CTNNA3: variants seen among roughly 807,000 people sequenced by gnomAD.
CTNNA3 encodes catenin alpha-3.
CTNNA3 carries 76 observed loss-of-function variants against 95.7 expected under a neutral mutation model. That is an observed-to-expected ratio of 0.79 (90% CI 0.66 to 0.96). The LOEUF (loss-of-function observed/expected upper bound fraction) is 0.96. CTNNA3 is among the 40% of genes least tolerant of loss of function. The pLI, the probability that CTNNA3 is intolerant of heterozygous loss-of-function variation, is 0.00. For synonymous variants in CTNNA3, 431 were observed against 374.4 expected (o/e 1.15, Z -1.74); for missense variants, 1,191 against 1,089.8 (o/e 1.09, Z -1.31).
At chr10:66,865,219 T>C (rs959834544) in intron 7 of CTNNA3, among the ~76,000 whole-genome samples, 12 of 151,272 alleles carry the variant, frequency 7.9e-5, no homozygotes, top group African/African-American at 2.7e-4. Context: ...TGTGCGTGTG[T>C]GTGTGTGTGT....
intron 9 of CTNNA3, among the ~76,000 whole-genome samples, chr10:66,720,698 A>C (rs1472897411): frequency 2.0e-5 from 3 of 151,996 alleles, no homozygotes; most frequent in Non-Finnish European, 4.4e-5. Context: ...GCTGGGCGTG[A>C]TGGTGGGCAC....
rs189687450 is a variant in CTNNA3, at chr10:67,479,124, C to G, written c.579+42718G>C. ...TATAGAACAAGTACTTCTAGACCTACCAAAAGACTTAGCCACATAATAATA... is the reference window on the plus strand; with the variant it reads ...TATAGAACAAGTACTTCTAGACCTAGCAAAAGACTTAGCCACATAATAATA... On this transcript the variant is annotated intron_variant, in intron 5 of 17. Coordinates refer to ENST00000433211, the MANE Select transcript of CTNNA3 (RefSeq NM_013266.4). Among the ~76,000 whole-genome samples the G allele has an allele frequency of 3.6e-3, 553 of 152,216 alleles. 8 individuals are homozygous for G. The highest frequency in any genetic ancestry group is 0.013 in the African/African-American group (530 of 41,536).
chr10:66,068,792 C>A (rs1169196856), intron 15 of CTNNA3, among the ~76,000 whole-genome samples: 1 of 152,104 alleles, frequency 6.6e-6, no homozygotes, highest in Non-Finnish European at 1.5e-5. Flanking sequence ...AAGACAATAA[C>A]AAACATTTTT....
At chr10:66,977,958 A>C (rs1850144078) in intron 7 of CTNNA3, among the ~76,000 whole-genome samples, 1 of 152,188 alleles carries the variant, frequency 6.6e-6, no homozygotes, top group Non-Finnish European at 1.5e-5. Context: ...AATGACACTT[A>C]GTCAAACTTT....
At chr10:66,630,882 GC>G (rs768970096) in intron 9 of CTNNA3, among the ~76,000 whole-genome samples, 93 of 152,260 alleles carry the variant, frequency 6.1e-4, no homozygotes, top group Non-Finnish European at 1.1e-3. Flanking sequence ...TATTGATTAT[GC>G]ACCTATTATG....
At chr10:67,513,290 C>T (rs1839699560) in intron 5 of CTNNA3, among the ~76,000 whole-genome samples, 1 of 152,160 alleles carries the variant, frequency 6.6e-6, no homozygotes, top group South Asian at 2.1e-4. Context: ...GCAGAACTCC[C>T]ACCTGGAGGA....
At chr10:66,465,891 A>G (rs1838892204) in intron 11 of CTNNA3, among the ~76,000 whole-genome samples, 1 of 152,130 alleles carries the variant, frequency 6.6e-6, no homozygotes, top group African/African-American at 2.4e-5. Context: ...TACATTATAG[A>G]TGTGAACAAA....
intron 13 of CTNNA3, among the ~76,000 whole-genome samples, chr10:66,231,553 T>G (rs1589800669): frequency 6.6e-6 from 1 of 152,162 alleles, no homozygotes; most frequent in African/African-American, 2.4e-5. Flanking sequence ...GCTCCTGATT[T>G]TGATGCTGTT....
At chr10:67,677,824 G>C (rs530164409) in intron 1 of CTNNA3, among the ~76,000 whole-genome samples, 9 of 152,262 alleles carry the variant, frequency 5.9e-5, no homozygotes, top group Non-Finnish European at 1.2e-4. Flanking sequence ...GGGTGCTCTG[G>C]AGATTAGGTT....
At chr10:66,460,156 T>C (rs751579892) in intron 11 of CTNNA3, among the ~76,000 whole-genome samples, 4 of 152,206 alleles carry the variant, frequency 2.6e-5, no homozygotes, top group Admixed American at 2.6e-4. Flanking sequence ...GTCAGTACTA[T>C]ACTGTTTTAA....
At chr10:67,022,357 G>A (rs898983518) in intron 7 of CTNNA3, among the ~76,000 whole-genome samples, 7 of 152,130 alleles carry the variant, frequency 4.6e-5, no homozygotes, top group African/African-American at 1.7e-4. Context: ...GTCTGTGTGT[G>A]TGTGTTCTAT....
In CTNNA3 at chr10:65,920,530, T is replaced by C. The variant is rs1471913196; in HGVS notation, c.2488A>G (p.Thr830Ala). The change falls in exon 18 of 18, where the codon ACC becomes GCC. Residue 830 changes from threonine (T) to alanine (A), a missense_variant. Coordinates refer to ENST00000433211, the MANE Select transcript of CTNNA3 (RefSeq NM_013266.4). ...QTVKMSYIAS[T>A]KIIRIQSPAG... ...GGACTCTGGATTCGGATGATCTTGGTTGAGGCAATGTAAGACATTTTCACT... is the reference window on the plus strand; with the variant it reads ...GGACTCTGGATTCGGATGATCTTGGCTGAGGCAATGTAAGACATTTTCACT... The C allele has an allele frequency of 6.2e-7, 1 of 1,614,084 alleles. No homozygotes were observed. The highest frequency in any genetic ancestry group is 1.3e-5 in the African/African-American group (1 of 74,932).
chr10:67,003,308 T>C (rs1851787678), intron 7 of CTNNA3, among the ~76,000 whole-genome samples: 1 of 152,186 alleles, frequency 6.6e-6, no homozygotes, highest in Admixed American at 6.5e-5. Context: ...TCTTCTGCTT[T>C]AACCCTAATA....
intron 6 of CTNNA3, among the ~76,000 whole-genome samples, chr10:67,181,324 T>C (rs968981800): frequency 6.6e-6 from 1 of 152,168 alleles, no homozygotes; most frequent in Non-Finnish European, 1.5e-5. Context: ...CTTCAGGTAA[T>C]AGAAGTCGAG....
At chr10:66,845,553 A>C (rs1174123537) in intron 7 of CTNNA3, among the ~76,000 whole-genome samples, 1 of 151,554 alleles carries the variant, frequency 6.6e-6, no homozygotes, top group South Asian at 2.1e-4. Flanking sequence ...AAAATACAAA[A>C]TTAGCCTGGC....
chr10:67,424,001 C>T (rs891455073), intron 5 of CTNNA3, among the ~76,000 whole-genome samples: 1 of 152,128 alleles, frequency 6.6e-6, no homozygotes, highest in Admixed American at 6.6e-5. Context: ...AGCATAAATG[C>T]TGTTCTAGTC....
intron 7 of CTNNA3, among the ~76,000 whole-genome samples, chr10:67,143,009 C>A: frequency 6.6e-6 from 1 of 152,038 alleles, no homozygotes; most frequent in Non-Finnish European, 1.5e-5. Flanking sequence ...TTGATGGTGG[C>A]GGTTCTTGCC....
At chr10:67,182,603 A>G (rs1862612110) in intron 6 of CTNNA3, among the ~76,000 whole-genome samples, 2 of 152,118 alleles carry the variant, frequency 1.3e-5, no homozygotes, top group South Asian at 2.1e-4. Flanking sequence ...AAACCTAGGC[A>G]ATACCATTCA....
intron 5 of CTNNA3, among the ~76,000 whole-genome samples, chr10:67,464,444 T>C (rs1847503826): frequency 6.6e-6 from 1 of 152,286 alleles, no homozygotes; most frequent in Non-Finnish European, 1.5e-5. Flanking sequence ...CCTTATCACA[T>C]ACTATTTACT....
Sources: gnomAD v4.1 joint callset for allele counts (sites outside exome capture counted in the v4.1 genomes callset) on GRCh38, gnomAD v4.1.1 for gene constraint, MANE v1.5 for transcripts, NCBI Gene and HGNC (gene_info 2026-07-23, HGNC 2026-07-21) for gene names.